STK31: variants seen among roughly 807,000 people sequenced by gnomAD.
STK31 encodes the protein serine/threonine kinase 31.
In STK31, 89 loss-of-function variants were observed where a neutral mutation model predicts 129.7. That is an observed-to-expected ratio of 0.69 (90% CI 0.58 to 0.82). STK31 has a LOEUF of 0.82. Among genes scored for constraint, STK31 ranks in the 40% least tolerant of loss-of-function variants. The probability of loss-of-function intolerance (pLI) is 0.00; values close to 1 mark genes in which losing one functional copy is unlikely to be tolerated. For synonymous variants in STK31, 448 were observed against 395.3 expected, an observed-to-expected ratio of 1.13 and a Z score of -1.58; for missense variants, 1,187 against 1,176.4, an observed-to-expected ratio of 1.01 and a Z score of -0.13.
At chr7:23,765,772 C>A (rs1789785294) in intron 11 of STK31, among the ~76,000 whole-genome samples, 1 of 152,142 alleles carries the variant, frequency 6.6e-6, no homozygotes, top group Non-Finnish European at 1.5e-5. Context: ...GTCTTGAACT[C>A]CTGGCCTCAA....
At chr7:23,735,947 A>G (rs1787693440) in intron 7 of STK31, 51 bp downstream of exon 7, 1 of 1,417,878 alleles carries the variant, frequency 7.1e-7, no homozygotes, top group Non-Finnish European at 9.5e-7. Flanking sequence ...GGTCCCTGTC[A>G]TAGTAGAATA....
intron 23 of STK31, among the ~76,000 whole-genome samples, chr7:23,831,367 T>G (rs888357755): frequency 6.6e-6 from 1 of 152,188 alleles, no homozygotes; most frequent in Non-Finnish European, 1.5e-5. Flanking sequence ...ATGACCTTCT[T>G]TGTCACTTTT....
chr7:23,814,563 G>A (rs1290482381), intron 22 of STK31, among the ~76,000 whole-genome samples: 3 of 152,136 alleles, frequency 2.0e-5, no homozygotes, highest in Non-Finnish European at 4.4e-5. Flanking sequence ...AAATACATAG[G>A]ATTTGCCTCA....
chr7:23,778,404 TCTC>T (rs1790695907), intron 15 of STK31, among the ~76,000 whole-genome samples: 1 of 152,336 alleles, frequency 6.6e-6, no homozygotes, highest in South Asian at 2.1e-4. Context: ...TTGGGGAAGT[TCTC>T]CTGGATAATA....
intron 15 of STK31, among the ~76,000 whole-genome samples, chr7:23,774,465 A>T (rs1790411090): frequency 6.6e-6 from 1 of 152,086 alleles, no homozygotes; most frequent in African/African-American, 2.4e-5. Flanking sequence ...CTTTTTAATG[A>T]TCACCATTCT....
intron 12 of STK31, 40 bp downstream of exon 12, chr7:23,769,214 C>G: frequency 6.8e-7 from 1 of 1,476,342 alleles, no homozygotes; most frequent in Non-Finnish European, 9.0e-7. Context: ...GTAGCATAAA[C>G]CAGGGAATAT....
intron 21 of STK31, among the ~76,000 whole-genome samples, chr7:23,788,738 T>C (rs1791448343): frequency 6.6e-6 from 1 of 152,186 alleles, no homozygotes; most frequent in Admixed American, 6.6e-5. Context: ...ATTTATCATA[T>C]ACAACATGAT....
At chr7:23,793,819 G>T (rs967134867) in intron 22 of STK31, among the ~76,000 whole-genome samples, 2 of 152,154 alleles carry the variant, frequency 1.3e-5, no homozygotes, top group African/African-American at 4.8e-5. Flanking sequence ...AAAAACATTT[G>T]GCAGTTTGTT....
intron 5 of STK31, 113 bp downstream of exon 5, chr7:23,727,428 C>A: frequency 1.2e-6 from 1 of 813,744 alleles, no homozygotes; most frequent in Non-Finnish European, 2.0e-6. Context: ...ATACCTGGTT[C>A]AGTGATTAAA....
chr7:23,826,225 G>T (rs540952962), intron 23 of STK31, among the ~76,000 whole-genome samples: 1 of 152,060 alleles, frequency 6.6e-6, no homozygotes, highest in Non-Finnish European at 1.5e-5. Context: ...ATTATTGTGT[G>T]GGAGCCTAAG....
chr7:23,831,856 C>T (rs985319272), intron 23 of STK31, among the ~76,000 whole-genome samples: 1 of 152,160 alleles, frequency 6.6e-6, no homozygotes, highest in Non-Finnish European at 1.5e-5. Flanking sequence ...GAACTCCTGA[C>T]CGCAGGTGAC....
intron 23 of STK31, among the ~76,000 whole-genome samples, chr7:23,816,711 ACT>A (rs1266336308): frequency 2.0e-5 from 3 of 152,190 alleles, no homozygotes; most frequent in East Asian, 3.8e-4. Flanking sequence ...AAGGCAGTAG[ACT>A]CTGTTCACTA....
rs1244338004 is a variant in STK31, at chr7:23,832,377, T to C, written c.*11T>C. On this transcript the variant is annotated 3_prime_UTR_variant, in exon 24 of 24. Coordinates refer to ENST00000355870, the MANE Select transcript of STK31 (RefSeq NM_031414.5). ...AACTTTGATTGTTAAATTATTATTG[T>C]TGTTGTTGCAGAGGTTCTTTTTAAA... is the stretch of plus-strand genomic sequence containing the variant. 1 of 1,594,156 alleles carries C rather than the reference T, an allele frequency of 6.3e-7. No homozygotes were observed. The highest frequency in any genetic ancestry group is 2.2e-5 in the East Asian group (1 of 44,640).
chr7:23,795,787 G>T (rs1791914382), intron 22 of STK31, among the ~76,000 whole-genome samples: 1 of 152,208 alleles, frequency 6.6e-6, no homozygotes, highest in Non-Finnish European at 1.5e-5. Context: ...AGATTTGACT[G>T]CCCTGCTGGA....
intron 15 of STK31, among the ~76,000 whole-genome samples, chr7:23,780,603 G>T (rs1181086690): frequency 2.0e-5 from 3 of 152,174 alleles, no homozygotes; most frequent in Admixed American, 6.5e-5. Context: ...ATAGTCACTA[G>T]CTCAGTGAAT....
At chr7:23,734,097 A>G (rs1172821324) in intron 6 of STK31, among the ~76,000 whole-genome samples, 2 of 152,030 alleles carry the variant, frequency 1.3e-5, no homozygotes, top group South Asian at 2.1e-4. Flanking sequence ...ACCGGTTTGT[A>G]TTTTGTGGTT....
chr7:23,754,219 C>A, intron 9 of STK31, 96 bp from the exon 10 acceptor site: 2 of 1,288,008 alleles, frequency 1.6e-6, no homozygotes, highest in Non-Finnish European at 2.1e-6. Flanking sequence ...GTGCTGTAAA[C>A]ACTAACTTTT....
chr7:23,754,232 A>G (rs1788906570), intron 9 of STK31, 83 bp from the exon 10 acceptor site: 2 of 1,426,264 alleles, frequency 1.4e-6, no homozygotes, highest in South Asian at 2.8e-5. Context: ...TAACTTTTAG[A>G]CCATTACTAT....
Position 23,729,149 on chromosome 7 carries a change from T to C in STK31, c.383T>C (p.Val128Ala). 1 of 1,612,158 alleles carries C rather than the reference T, an allele frequency of 6.2e-7. No homozygotes were observed. The highest frequency in any genetic ancestry group is 1.3e-5 in the African/African-American group (1 of 74,956). ...GAAATTCTAAATCGATCTGATATAG[T>C]TGAAATTCCTTTGGAGCTGCAGTTT... ...NTEILNRSDI[V>A]EIPLELQFSS... is the part of the protein sequence containing the mutation. Residue 128 changes from valine (V) to alanine (A), a missense_variant, in exon 6 of 24, where the codon GTT becomes GCT. Around this residue, in one of 5 missense-constraint regions of STK31, gnomAD observed 103 missense variants for 110.4 expected, o/e 0.93. Coordinates refer to ENST00000355870, the MANE Select transcript of STK31 (RefSeq NM_031414.5).
Sources: gnomAD v4.1 joint callset for allele counts (sites outside exome capture counted in the v4.1 genomes callset) on GRCh38, gnomAD v4.1.1 for gene constraint, gnomAD v4.1.1 regional missense constraint, MANE v1.5 for transcripts, NCBI Gene and HGNC (gene_info 2026-07-23, HGNC 2026-07-21) for gene names.